The following ADPRHL1 variants were observed in gnomAD, a reference collection of about 807,000 sequenced individuals.
The protein encoded by ADPRHL1 is ADP-ribosylhydrolase like 1.
In ADPRHL1, 43 loss-of-function variants were observed where a neutral mutation model predicts 44.1. That is an observed-to-expected ratio of 0.98 (90% CI 0.76 to 1.26). ADPRHL1 has a LOEUF of 1.26. Ranked by LOEUF, ADPRHL1 falls within the 50% of genes most tolerant of loss-of-function variation. ADPRHL1 has a pLI of 0.00. For synonymous variants in ADPRHL1, 878 were observed against 1,017.4 expected (o/e 0.86, Z 2.61); for missense variants, 2,022 against 2,496.9 (o/e 0.81, Z 4.05).
In ADPRHL1 at chr13:113,407,073, A is replaced by G; in HGVS notation, c.2209T>C (p.Ser737Pro). The change falls in exon 8 of 8, where the codon TCA becomes CCA. Residue 737 changes from serine to proline, a missense_variant. Ser to Pro is a moderately conservative substitution (Grantham distance 74, BLOSUM62 -1). Around this residue, in one of 8 missense-constraint regions of ADPRHL1, gnomAD observed 1,221 missense variants for 1,517.8 expected, o/e 0.80. Transcript: ENST00000612156. ...TCTGCAGTCCCATCACCTCCGGCTGATCCGGTGCCCCAAGGGCTGGCCGGT... is the reference window on the plus strand; with the variant it reads ...TCTGCAGTCCCATCACCTCCGGCTGGTCCGGTGCCCCAAGGGCTGGCCGGT... ...LGPASPWGTGSAGGDGTADPT... is the reference protein window; with the variant it reads ...LGPASPWGTGPAGGDGTADPT... 8.1e-7 allele frequency: 1 copy of G among 1,232,132 alleles called. No homozygotes were observed. The highest frequency in any genetic ancestry group is 1.0e-6 in the Non-Finnish European group (1 of 988,056). 76.3% of individuals were successfully genotyped at this position (1,232,132 alleles called of 1,614,324 possible). A position where few individuals can be genotyped will look rare whatever the true frequency, so the allele number is the denominator to read the frequency against.
Position 113,407,337 on chromosome 13 carries a change from G to T in ADPRHL1, c.1945C>A (p.Pro649Thr). 1 of 1,232,044 alleles carries T rather than the reference G, an allele frequency of 8.1e-7. No individual in the cohort carries two copies. Among genetic ancestry groups the T allele is most frequent in the Non-Finnish European group, 1.0e-6 (1 of 988,042 alleles). The allele number at this position is 1,232,044 out of a possible 1,614,324, so 76.3% of individuals were successfully genotyped here. A position where few individuals can be genotyped will look rare whatever the true frequency, so the allele number is the denominator to read the frequency against. ...GGGGGCACGCTGGCTTCTCCTCTGGGTGGACGCCTTGCCTCCGAGTGGCTG... is the reference window on the plus strand; with the variant it reads ...GGGGGCACGCTGGCTTCTCCTCTGGTTGGACGCCTTGCCTCCGAGTGGCTG... ...KISHSEARRP[P>T]RGEASVPPSA... The change falls in exon 8 of 8, where the codon CCC (proline) becomes ACC (threonine). Residue 649 changes from proline (P) to threonine (T), a missense_variant. Pro to Thr is a conservative substitution (Grantham distance 38). Around this residue, in one of 8 missense-constraint regions of ADPRHL1, gnomAD observed 1,221 missense variants for 1,517.8 expected, o/e 0.80. Transcript: ENST00000612156.
intron 4 of ADPRHL1, among the ~76,000 whole-genome samples, chr13:113,427,737 G>C (rs937436512): frequency 2.0e-5 from 3 of 152,240 alleles, no homozygotes; most frequent in Non-Finnish European, 4.4e-5. Context: ...AGGACGGCCC[G>C]GTCACGGGGA....
At chr13:113,448,420 C>T (rs753431482) in intron 1 of ADPRHL1, among the ~76,000 whole-genome samples, 4 of 138,834 alleles carry the variant, frequency 2.9e-5, no homozygotes, top group East Asian at 2.1e-4. Flanking sequence ...GAGCCGAGAT[C>T]GCGCCACTGT....
chr13:113,444,530 C>G lies in ADPRHL1; in HGVS notation c.274G>C (p.Glu92Gln), dbSNP rs767599544. Residue 92 changes from glutamate to glutamine, a missense_variant, in exon 2 of 8, where the codon GAG (glutamate) becomes CAG (glutamine). Physicochemically the swap from Glu to Gln is conservative, Grantham distance 29. Around this residue, in one of 8 missense-constraint regions of ADPRHL1, gnomAD observed 437 missense variants for 430.7 expected, o/e 1.01. Coordinates refer to ENST00000612156, the MANE Select transcript of ADPRHL1 (RefSeq NM_001394807.1). The stretch of plus-strand genomic sequence containing the variant: ...TCTGGCCGGCGTTCTGGAAGCTTCT[C>G]AACGATTTCCACATAGCATCTCACC... The part of the protein sequence containing the change: ...EMVRCYVEIV[E>Q]KLPERRPDPA... 6.8e-6 allele frequency: 11 copies of G among 1,614,214 alleles called. No homozygotes were observed. Among genetic ancestry groups the G allele is most frequent in the South Asian group, 2.2e-5 (2 of 91,084 alleles).
chr13:113,435,277 C>T (rs1330486674), intron 2 of ADPRHL1, among the ~76,000 whole-genome samples: 3 of 56,516 alleles, frequency 5.3e-5, no homozygotes, highest in South Asian at 9.3e-4. Context: ...GGCACCCACG[C>T]ATAGAGTGAA....
chr13:113,448,516 G>C (rs377592644), intron 1 of ADPRHL1, among the ~76,000 whole-genome samples: 58 of 139,184 alleles, frequency 4.2e-4, no homozygotes, highest in African/African-American at 1.6e-3. Context: ...CCCAACCCAT[G>C]TCTCAATAAA....
chr13:113,424,900 C>T (rs2043956825), intron 5 of ADPRHL1, 152 bp downstream of exon 5: 1 of 921,152 alleles, frequency 1.1e-6, no homozygotes, highest in Non-Finnish European at 1.6e-6. Flanking sequence ...ATTCACGCAC[C>T]CTTCCACCCA....
At chr13:113,424,486 G>T in intron 5 of ADPRHL1, 137 bp from the exon 6 acceptor site, 1 of 1,228,680 alleles carries the variant, frequency 8.1e-7, no homozygotes, top group Non-Finnish European at 1.1e-6. Context: ...GATGAATCTG[G>T]CTCTGTCCCC....
At chr13:113,437,742 A>G (rs1319376377) in intron 2 of ADPRHL1, among the ~76,000 whole-genome samples, 2 of 152,194 alleles carry the variant, frequency 1.3e-5, no homozygotes, top group Non-Finnish European at 2.9e-5. Flanking sequence ...GGCTCTGAGC[A>G]TGAGGCACCA....
At chr13:113,423,502 C>T (rs140910624) in intron 6 of ADPRHL1, among the ~76,000 whole-genome samples, 4 of 152,342 alleles carry the variant, frequency 2.6e-5, no homozygotes, top group East Asian at 1.9e-4. Flanking sequence ...CCTGACCAAA[C>T]GGGGCCACAT....
At chr13:113,419,048 T>C (rs2043901641) in intron 7 of ADPRHL1, among the ~76,000 whole-genome samples, 1 of 151,224 alleles carries the variant, frequency 6.6e-6, no homozygotes, top group Non-Finnish European at 1.5e-5. Flanking sequence ...CCCCTTCCCT[T>C]CCTTCTTCTC....
At chr13:113,444,799 A>ATG (rs540082727) in intron 1 of ADPRHL1, among the ~76,000 whole-genome samples, 10 of 152,078 alleles carry the variant, frequency 6.6e-5, no homozygotes, top group African/African-American at 2.4e-4. Flanking sequence ...ATTTTTTTGT[A>ATG]TTTTTAGTAG....
chr13:113,413,934 T>C (rs548820624), intron 7 of ADPRHL1, among the ~76,000 whole-genome samples: 41 of 152,126 alleles, frequency 2.7e-4, no homozygotes, highest in Non-Finnish European at 5.6e-4. Context: ...ACAATGAGAC[T>C]AGAGGCCATC....
intron 7 of ADPRHL1, among the ~76,000 whole-genome samples, chr13:113,421,636 T>G (rs2043924406): frequency 6.6e-6 from 1 of 152,200 alleles, no homozygotes; most frequent in Non-Finnish European, 1.5e-5. Context: ...TGGGAGTCCG[T>G]GGCCCCCACC....
chr13:113,406,051 A>G lies in ADPRHL1; in HGVS notation c.3231T>C (p.Ser1077=), dbSNP rs899070488. ...EECRRPLLIE[S]SQPLKAAEEI... ...CCTCGGCAGCCTTCAGGGGCTGAGA[A>G]GACTCTATTAGCAGCGGCCTTCTGC... Residue 1077 remains serine, a synonymous_variant, in exon 8 of 8, where the codon TCT becomes TCC. Coordinates refer to ENST00000612156, the MANE Select transcript of ADPRHL1 (RefSeq NM_001394807.1). 2.4e-6 allele frequency: 3 copies of G among 1,232,212 alleles called. No individual in the cohort carries two copies. The highest frequency in any genetic ancestry group is 3.0e-6 in the Non-Finnish European group (3 of 988,052). The allele number at this position is 1,232,212 out of a possible 1,614,324, so 76.3% of individuals were successfully genotyped here.
Position 113,406,813 on chromosome 13 carries a change from C to G in ADPRHL1, c.2469G>C (p.Leu823=). 4 of 1,232,042 alleles carry G rather than the reference C, an allele frequency of 3.2e-6. No homozygotes were observed. Among genetic ancestry groups the G allele is most frequent in the Non-Finnish European group, 4.0e-6 (4 of 988,034 alleles). The allele number at this position is 1,232,042 out of a possible 1,614,324, so 76.3% of individuals were successfully genotyped here. A position where few individuals can be genotyped will look rare whatever the true frequency, so the allele number is the denominator to read the frequency against. Residue 823 remains leucine (L), a synonymous_variant, in exon 8 of 8, where the codon CTG becomes CTC. Transcript: ENST00000612156. ...EQKVPEHIPP[L]NAPSVQAARR... ...GAGCAGCCTGGACCGATGGAGCGTT[C>G]AGGGGTGGGATGTGCTCCGGCACCT...
chr13:113,451,380 C>G (rs2044178458), intron 1 of ADPRHL1, among the ~76,000 whole-genome samples: 1 of 152,152 alleles, frequency 6.6e-6, no homozygotes, highest in Non-Finnish European at 1.5e-5. Flanking sequence ...TTGCCGCCCA[C>G]AGTAAGCAAT....
rs1342616510 is a variant in ADPRHL1, at chr13:113,409,606, CG to C, written c.1062-1387del. 1.0e-6 allele frequency: 1 copy of C among 985,208 alleles called. No individual in the cohort carries two copies. Among genetic ancestry groups the C allele is most frequent in the Non-Finnish European group, 1.2e-6 (1 of 829,930 alleles). 61.0% of individuals were successfully genotyped at this position (985,208 alleles called of 1,614,324 possible). A position where few individuals can be genotyped will look rare whatever the true frequency, so the allele number is the denominator to read the frequency against. On this transcript the variant is annotated intron_variant, in intron 7 of 7. Coordinates refer to ENST00000612156, the MANE Select transcript of ADPRHL1 (RefSeq NM_001394807.1). The surrounding 1 kb of genome is among the most constrained non-coding windows in gnomAD (Gnocchi z 4.2). The stretch of plus-strand genomic sequence containing the variant: ...CCGATTGTTTTTAAGAAGCTGAGGC[CG>C]GGCGCCGTGGCTCACGCCTGTAATC...
At position 113,413,114 on chromosome 13, in the gene ADPRHL1, C is replaced by T. The variant is rs950297486; in HGVS notation, c.1062-4894G>A. On this transcript the variant is annotated intron_variant, in intron 7 of 7. Transcript: ENST00000612156. The stretch of plus-strand genomic sequence containing the variant: ...GCCCCGCAGAGCTCGGTTCACCCAC[C>T]GCCAACAGCTCCTCGCAGAGCTCGG... Among the ~76,000 whole-genome samples, 27 of 129,410 alleles carry T rather than the reference C, an allele frequency of 2.1e-4. 3 individuals carry two copies. The highest frequency in any genetic ancestry group is 7.3e-4 in the African/African-American group (25 of 34,310). The allele number at this position is 129,410 out of a possible 152,430, so 84.9% of individuals were successfully genotyped here. A position where few individuals can be genotyped will look rare whatever the true frequency, so the allele number is the denominator to read the frequency against.
Sources: allele counts gnomAD v4.1 joint callset (sites outside exome capture counted in the v4.1 genomes callset), GRCh38; gene constraint gnomAD v4.1.1; regional missense constraint gnomAD v4.1.1; non-coding constraint Gnocchi (gnomAD v3.1); transcripts MANE v1.5; gene names NCBI Gene and HGNC (gene_info 2026-07-23, HGNC 2026-07-21).